Variants in CPED1 observed in about 807,000 individuals in gnomAD.
CPED1 encodes the protein cadherin-like and PC-esterase domain-containing protein 1.
Under a neutral mutation model 128.2 loss-of-function variants are expected in CPED1, and 114 were observed. That is an observed-to-expected ratio of 0.89 (90% CI 0.76 to 1.04). CPED1 has a LOEUF of 1.04. CPED1 is among the 50% of genes least tolerant of loss of function. The pLI, the probability that CPED1 is intolerant of heterozygous loss-of-function variation, is 0.00. For missense variants in CPED1, 1,211 were observed against 1,207.1 expected (o/e 1.00, Z -0.05); for synonymous variants, 462 against 426.7 (o/e 1.08, Z -1.02).
intron 16 of CPED1, among the ~76,000 whole-genome samples, chr7:121,155,435 C>T (rs991097205): frequency 3.3e-5 from 5 of 152,130 alleles, no homozygotes; most frequent in Non-Finnish European, 5.9e-5. Flanking sequence ...AAACTGCAGA[C>T]ATCACACTAC....
At chr7:121,238,808 T>C (rs1798320909) in intron 17 of CPED1, among the ~76,000 whole-genome samples, 1 of 151,554 alleles carries the variant, frequency 6.6e-6, no homozygotes, top group African/African-American at 2.4e-5. Context: ...GCACGAGCAA[T>C]ATGTTTTTAC....
chr7:121,102,230 C>A (rs978427549), intron 7 of CPED1, among the ~76,000 whole-genome samples: 1 of 152,102 alleles, frequency 6.6e-6, no homozygotes, highest in African/African-American at 2.4e-5. Flanking sequence ...AATTCCTCAT[C>A]TATCAGTTTT....
At chr7:121,280,713 A>G (rs1792445628) in intron 22 of CPED1, among the ~76,000 whole-genome samples, 1 of 152,186 alleles carries the variant, frequency 6.6e-6, no homozygotes, top group Non-Finnish European at 1.5e-5. Flanking sequence ...ATTCCCTATT[A>G]TCTGTCAAAA....
intron 5 of CPED1, among the ~76,000 whole-genome samples, chr7:121,066,253 C>G (rs963576371): frequency 1.4e-4 from 22 of 152,006 alleles, no homozygotes. Context: ...TGACAAAACA[C>G]AAATTTTGAA....
chr7:121,254,677 A>G (rs2116717434), intron 18 of CPED1, among the ~76,000 whole-genome samples: 1 of 152,096 alleles, frequency 6.6e-6, no homozygotes. Flanking sequence ...AACAACAACA[A>G]AAAAGAGAGA....
At chr7:121,146,112 A>G (rs1017118141) in intron 16 of CPED1, among the ~76,000 whole-genome samples, 1 of 152,104 alleles carries the variant, frequency 6.6e-6, no homozygotes, top group African/African-American at 2.4e-5. Flanking sequence ...AAGAACAGAA[A>G]TGTATTTCCT....
chr7:121,134,031 A>G (rs982430959), intron 13 of CPED1, 138 bp downstream of exon 13: 5 of 593,016 alleles, frequency 8.4e-6, no homozygotes, highest in Non-Finnish European at 1.5e-5. Context: ...TAAATTTGGA[A>G]AGGATTTTCT....
chr7:121,259,735 T>A (rs1791968480), intron 18 of CPED1, among the ~76,000 whole-genome samples: 1 of 152,004 alleles, frequency 6.6e-6, no homozygotes. Flanking sequence ...AACAAGCCTT[T>A]ATTTTGTTTG....
In CPED1 at chr7:121,027,118, G is replaced by A. The variant is rs550851123; in HGVS notation, c.433+11270G>A. Reference sequence around the variant, plus strand: ...AGCATCTCAAAGTGCTGGGATTACAGACGTGAACCATCTCGCCTGGCTCTG... The same window carrying A: ...AGCATCTCAAAGTGCTGGGATTACAAACGTGAACCATCTCGCCTGGCTCTG... On this transcript the variant is annotated intron_variant, in intron 3 of 22. Transcript: ENST00000310396. 2.0e-5 allele frequency among the ~76,000 whole-genome samples: 3 copies of A among 151,708 alleles called. No individual in the cohort carries two copies. In the East Asian group the frequency reaches 5.8e-4, roughly 29 times the overall value.
At chr7:121,098,775 TATATAA>T (rs1794764582) in intron 6 of CPED1, among the ~76,000 whole-genome samples, 5 of 117,204 alleles carry the variant, frequency 4.3e-5, no homozygotes, top group African/African-American at 9.4e-5. Flanking sequence ...TAAATATATA[TATATAA>T]AAATATATAA....
At chr7:121,274,492 C>T (rs1274502665) in intron 22 of CPED1, among the ~76,000 whole-genome samples, 1 of 152,054 alleles carries the variant, frequency 6.6e-6, no homozygotes, top group Non-Finnish European at 1.5e-5. Context: ...GCCAAATTAT[C>T]TTAATTGATT....
At chr7:121,022,374 A>G (rs547351447) in intron 3 of CPED1, among the ~76,000 whole-genome samples, 2 of 152,040 alleles carry the variant, frequency 1.3e-5, no homozygotes, top group Non-Finnish European at 2.9e-5. Context: ...TAGTTTATAC[A>G]TCAAATGATT....
intron 16 of CPED1, among the ~76,000 whole-genome samples, chr7:121,157,247 G>T (rs1184582094): frequency 6.6e-6 from 1 of 152,044 alleles, no homozygotes; most frequent in Admixed American, 6.6e-5. Flanking sequence ...TTTCTAGTGC[G>T]TGTATAGAAG....
chr7:121,126,450 A>G (rs1490286798), intron 9 of CPED1, among the ~76,000 whole-genome samples: 2 of 152,078 alleles, frequency 1.3e-5, no homozygotes, highest in African/African-American at 4.8e-5. Context: ...TTTTTCCTCT[A>G]ACATAGCCCT....
intron 22 of CPED1, among the ~76,000 whole-genome samples, chr7:121,286,647 C>G (rs147571903): frequency 6.6e-6 from 1 of 152,190 alleles, no homozygotes; most frequent in African/African-American, 2.4e-5. Context: ...CAGATGTGCT[C>G]AAGAAGTTGG....
intron 4 of CPED1, among the ~76,000 whole-genome samples, chr7:121,053,136 GTAC>G (rs1793402122): frequency 6.6e-6 from 1 of 152,036 alleles, no homozygotes; most frequent in South Asian, 2.1e-4. Flanking sequence ...CATAACCATG[GTAC>G]TTTCATCAAA....
At chr7:121,050,810 G>A (rs1484114727) in intron 4 of CPED1, 2 of 459,862 alleles carry the variant, frequency 4.3e-6, no homozygotes, top group Admixed American at 4.7e-5. Flanking sequence ...CAGCTCAGGC[G>A]GCGGGAGGAG....
At chr7:121,173,448 C>T (rs1407233144) in intron 16 of CPED1, among the ~76,000 whole-genome samples, 2 of 152,084 alleles carry the variant, frequency 1.3e-5, no homozygotes, top group Non-Finnish European at 2.9e-5. Context: ...TTGTTCCTCT[C>T]TTTGTGTCCA....
chr7:121,030,251 A>G (rs1439347243), intron 3 of CPED1, among the ~76,000 whole-genome samples: 1 of 152,202 alleles, frequency 6.6e-6, no homozygotes, highest in African/African-American at 2.4e-5. Flanking sequence ...CATATTAACA[A>G]TTTTAAACAA....
Sources: allele counts gnomAD v4.1 joint callset (sites outside exome capture counted in the v4.1 genomes callset), GRCh38; gene constraint gnomAD v4.1.1; transcripts MANE v1.5; gene names NCBI Gene and HGNC (gene_info 2026-07-23, HGNC 2026-07-21).